Variants in PLEKHH2 observed in about 807,000 individuals in gnomAD.
PLEKHH2 encodes pleckstrin homology domain-containing family H member 2.
Under a neutral mutation model 187.9 loss-of-function variants are expected in PLEKHH2, and 129 were observed. That is an observed-to-expected ratio of 0.69 (90% confidence interval 0.59 to 0.79). The LOEUF is 0.79. Ranked by LOEUF, PLEKHH2 falls within the 30% of genes least tolerant of loss-of-function variation. The pLI is 0.00. For missense variants in PLEKHH2, 2,076 were observed against 1,751.2 expected, an observed-to-expected ratio of 1.19 and a Z score of -3.31; for synonymous variants, 686 against 605.6, an observed-to-expected ratio of 1.13 and a Z score of -1.95.
At chr2:43,715,908 T>C (rs1220792292) in intron 15 of PLEKHH2, among the ~76,000 whole-genome samples, 1 of 152,062 alleles carries the variant, frequency 6.6e-6, no homozygotes, top group Non-Finnish European at 1.5e-5. Flanking sequence ...GGAAATTATG[T>C]AGGGCAGGGG....
intron 2 of PLEKHH2, among the ~76,000 whole-genome samples, chr2:43,654,361 A>AT (rs937433773): frequency 1.3e-5 from 2 of 151,506 alleles, no homozygotes; most frequent in East Asian, 2.0e-4. Flanking sequence ...CATCCAGCTA[A>AT]TTTTTTTGTA....
At chr2:43,736,482 G>A (rs1367871105) in intron 19 of PLEKHH2, among the ~76,000 whole-genome samples, 1 of 152,132 alleles carries the variant, frequency 6.6e-6, no homozygotes, top group East Asian at 1.9e-4. Context: ...ATAGAGCCTG[G>A]CAGTCTTCCT....
chr2:43,727,418 A>AAAAAAAAAAAT (rs1670814100), intron 17 of PLEKHH2, among the ~76,000 whole-genome samples: 1 of 151,694 alleles, frequency 6.6e-6, no homozygotes, highest in Non-Finnish European at 1.5e-5. Flanking sequence ...CTCAAAAAAA[A>AAAAAAAAAAAT]AAAGAACAAA....
chr2:43,705,251 C>CTTTTTTTTTTTTTTTTTTTTTTTT (rs5830767), intron 9 of PLEKHH2, among the ~76,000 whole-genome samples: 2 of 95,868 alleles, frequency 2.1e-5, no homozygotes, highest in African/African-American at 4.3e-5. Flanking sequence ...AAATTTTATC[C>CTTTTTTTTTTTTTTTTTTTTTTTT]TTTTTTTTTT....
chr2:43,753,654 A>T lies in PLEKHH2; in HGVS notation c.3689A>T (p.Asp1230Val), dbSNP rs748552265. 5.1e-6 allele frequency: 8 copies of T among 1,571,394 alleles called. No individual in the cohort carries two copies. Among genetic ancestry groups the T allele is most frequent in the Non-Finnish European group, 6.9e-6 (8 of 1,162,142 alleles). ...TCAGTGCAAGCTCGTGGAGAGACTG[A>T]TAGAGAAAAGTTGCTGTTAATGTAT... ...YFSVQARGET[D>V]REKLLLMYQT... is the part of the protein sequence containing the mutation. Residue 1230 changes from aspartate (D) to valine (V), a missense_variant, in exon 25 of 30, where the codon GAT (aspartate) becomes GTT (valine). Asp to Val is a radical substitution (Grantham distance 152, BLOSUM62 -3). Coordinates refer to ENST00000282406, the MANE Select transcript of PLEKHH2 (RefSeq NM_172069.4).
At chr2:43,690,144 T>C (rs992470389) in intron 3 of PLEKHH2, among the ~76,000 whole-genome samples, 20 of 152,256 alleles carry the variant, frequency 1.3e-4, no homozygotes, top group Non-Finnish European at 2.5e-4. Flanking sequence ...TGGAACTGGC[T>C]ATAGCTATAC....
intron 2 of PLEKHH2, among the ~76,000 whole-genome samples, chr2:43,678,118 C>T (rs937862289): frequency 2.0e-5 from 3 of 149,416 alleles, no homozygotes; most frequent in African/African-American, 2.5e-5. Flanking sequence ...GACCGGGCGG[C>T]GGGGCAGAGG....
intron 18 of PLEKHH2, among the ~76,000 whole-genome samples, chr2:43,730,469 G>A (rs1323487268): frequency 2.0e-5 from 3 of 152,144 alleles, no homozygotes; most frequent in African/African-American, 4.8e-5. Flanking sequence ...CATGATCTCC[G>A]CTCACTGCAA....
chr2:43,756,302 ACTTT>A (rs888469634), intron 25 of PLEKHH2, among the ~76,000 whole-genome samples: 3 of 151,902 alleles, frequency 2.0e-5, no homozygotes, highest in Admixed American at 2.0e-4. Context: ...ATTTCTTATA[ACTTT>A]TTTTTTTGAG....
intron 12 of PLEKHH2, 44 bp from the exon 13 acceptor site, chr2:43,710,176 C>T: frequency 6.2e-7 from 1 of 1,610,726 alleles, no homozygotes; most frequent in Admixed American, 1.7e-5. Flanking sequence ...ATTGAGCCTC[C>T]AAAAGGAAAC....
In PLEKHH2 at chr2:43,712,250, A is replaced by G. The variant is rs148948407; in HGVS notation, c.2327A>G (p.Tyr776Cys). 1.9e-6 allele frequency: 3 copies of G among 1,613,414 alleles called. No individual in the cohort carries two copies. Among genetic ancestry groups the G allele is most frequent in the South Asian group, 1.1e-5 (1 of 91,066 alleles). ...TTGACCACTGAAAAACACACATACTATCTGACTGCAGATTCTCCCAATATA... is the reference window on the plus strand; with the variant it reads ...TTGACCACTGAAAAACACACATACTGTCTGACTGCAGATTCTCCCAATATA... ...VQLTTEKHTY[Y>C]LTADSPNILE... The change falls in exon 15 of 30, where the codon TAT becomes TGT. Residue 776 changes from tyrosine to cysteine, a missense_variant. Physicochemically the swap from Tyr to Cys is radical, Grantham distance 194. Coordinates refer to ENST00000282406, the MANE Select transcript of PLEKHH2 (RefSeq NM_172069.4).
intron 2 of PLEKHH2, among the ~76,000 whole-genome samples, chr2:43,669,685 A>G (rs1394092861): frequency 1.3e-5 from 2 of 152,140 alleles, no homozygotes; most frequent in East Asian, 1.9e-4. Context: ...TGCTTTAATG[A>G]GAAATGAAGG....
chr2:43,740,295 AT>A (rs978875818), intron 20 of PLEKHH2, among the ~76,000 whole-genome samples: 1 of 152,274 alleles, frequency 6.6e-6, no homozygotes, highest in South Asian at 2.1e-4. Context: ...AATTAAAAAA[AT>A]TTTTTTGTTG....
chr2:43,666,605 A>G (rs1029401005), intron 2 of PLEKHH2, among the ~76,000 whole-genome samples: 14 of 152,198 alleles, frequency 9.2e-5, no homozygotes, highest in Admixed American at 1.3e-4. Context: ...CTGCAGTTTT[A>G]CCACCATTTG....
At chr2:43,755,228 C>G (rs1672168319) in intron 25 of PLEKHH2, among the ~76,000 whole-genome samples, 1 of 152,058 alleles carries the variant, frequency 6.6e-6, no homozygotes, top group African/African-American at 2.4e-5. Context: ...TGTTCACATT[C>G]TGTCTCCTCT....
chr2:43,727,347 G>A (rs1471926030), intron 17 of PLEKHH2, among the ~76,000 whole-genome samples: 1 of 147,602 alleles, frequency 6.8e-6, no homozygotes, highest in Non-Finnish European at 1.5e-5. Flanking sequence ...AGGAGGTAGA[G>A]GTTGCAGTGA....
chr2:43,659,878 AT>A (rs1166979999), intron 2 of PLEKHH2, among the ~76,000 whole-genome samples: 7 of 152,148 alleles, frequency 4.6e-5, no homozygotes, highest in South Asian at 2.1e-4. Context: ...CTTTTTAAAA[AT>A]TTTTTTTGGT....
chr2:43,718,740 C>T (rs998484658), intron 15 of PLEKHH2, among the ~76,000 whole-genome samples: 3 of 152,062 alleles, frequency 2.0e-5, no homozygotes, highest in Non-Finnish European at 4.4e-5. Flanking sequence ...AGACTTCTTT[C>T]TGAAGATTGT....
In PLEKHH2 at chr2:43,742,893, T is replaced by C; in HGVS notation, c.3374T>C (p.Val1125Ala). 1 of 1,582,558 alleles carries C rather than the reference T, an allele frequency of 6.3e-7. No individual in the cohort carries two copies. Among genetic ancestry groups the C allele is most frequent in the Non-Finnish European group, 8.6e-7 (1 of 1,167,800 alleles). ...CATTCTTTGCCCTTTAGTATACCTGTGCACTTCATGAATGGGATATACCAG... is the reference window on the plus strand; with the variant it reads ...CATTCTTTGCCCTTTAGTATACCTGCGCACTTCATGAATGGGATATACCAG... ...YHHSLPFSIP[V>A]HFMNGIYQVV... is the part of the protein sequence containing the mutation. Residue 1125 changes from valine (V) to alanine (A), a missense_variant, in exon 22 of 30, where the codon GTG becomes GCG. By Grantham distance (64) the Val-to-Ala change is moderately conservative. Transcript: ENST00000282406.
Sources: gnomAD v4.1 joint callset for allele counts (sites outside exome capture counted in the v4.1 genomes callset) on GRCh38, gnomAD v4.1.1 for gene constraint, MANE v1.5 for transcripts, NCBI Gene and HGNC (gene_info 2026-07-23, HGNC 2026-07-21) for gene names.